RASEF: variants seen among roughly 807,000 people sequenced by gnomAD.
The protein encoded by RASEF is ras and EF-hand domain-containing protein.
In RASEF, 68 loss-of-function variants were observed where a neutral mutation model predicts 90.1. The ratio of observed to expected loss-of-function variants is 0.75; its 90% CI spans 0.62 to 0.92. The LOEUF is 0.92. Ranked by LOEUF, RASEF falls within the 40% of genes least tolerant of loss-of-function variation. The probability of loss-of-function intolerance (pLI) is 0.00; values close to 1 mark genes in which losing one functional copy is unlikely to be tolerated. For synonymous variants in RASEF, 331 were observed against 345.2 expected (o/e 0.96, Z 0.46); for missense variants, 949 against 937.2 (o/e 1.01, Z -0.16).
the RASEF span, among the ~76,000 whole-genome samples, chr9:83,187,166 G>T: frequency 6.6e-5 from 10 of 152,240 alleles, no homozygotes; most frequent in South Asian, 2.1e-3. Context: ...TAAAGGCTCT[G>T]GTCTAAGCCT....
intron 12 of RASEF, among the ~76,000 whole-genome samples, chr9:82,999,259 A>G (rs1282167692): frequency 6.6e-6 from 1 of 152,206 alleles, no homozygotes; most frequent in Non-Finnish European, 1.5e-5. Flanking sequence ...TTCTGTTGTG[A>G]AGGTGGGTAA....
chr9:83,061,737 C>T lies in RASEF; in HGVS notation c.431+700G>A, dbSNP rs77776732. 5.6e-3 allele frequency among the ~76,000 whole-genome samples: 859 copies of T among 152,306 alleles called. 4 individuals are homozygous for T. Among genetic ancestry groups the T allele is most frequent in the African/African-American group, 0.019 (808 of 41,570 alleles). ...AGTAAGAGCAGAGAATATACTGTGTCATTTTATCATTTTATTCCGTCACAT... is the reference window on the plus strand; with the variant it reads ...AGTAAGAGCAGAGAATATACTGTGTTATTTTATCATTTTATTCCGTCACAT... On this transcript the variant is annotated intron_variant, in intron 1 of 16. Coordinates refer to ENST00000376447, the MANE Select transcript of RASEF (RefSeq NM_152573.4).
At chr9:83,179,204 T>C in the RASEF span, among the ~76,000 whole-genome samples, 3 of 152,170 alleles carry the variant, frequency 2.0e-5, no homozygotes, top group Non-Finnish European at 4.4e-5. Context: ...AATAAATTCA[T>C]AGCTATTAAA....
At chr9:83,144,412 G>GAAAGAAAGAAAGAAAGAAAGA in the RASEF span, among the ~76,000 whole-genome samples, 61 of 122,844 alleles carry the variant, frequency 5.0e-4, 2 homozygotes, top group Non-Finnish European at 8.3e-4. Context: ...AAGAAAGAAA[G>GAAAGAAAGAAAGAAAGAAAGA]AAAGAAAAGA....
chr9:83,095,652 T>C, the RASEF span, among the ~76,000 whole-genome samples: 2 of 152,026 alleles, frequency 1.3e-5, no homozygotes, highest in African/African-American at 4.8e-5. Flanking sequence ...AATTTGTATA[T>C]ATTCCCCTTA....
intron 3 of RASEF, among the ~76,000 whole-genome samples, chr9:83,020,836 G>A (rs1235401924): frequency 6.6e-6 from 1 of 152,130 alleles, no homozygotes; most frequent in Admixed American, 6.5e-5. Context: ...GAATGAATTT[G>A]TGCACAGATT....
upstream of RASEF, among the ~76,000 whole-genome samples, chr9:83,063,391 C>A (rs1017068524): frequency 6.6e-6 from 1 of 152,198 alleles, no homozygotes; most frequent in Non-Finnish European, 1.5e-5. Flanking sequence ...CTGGCGCGCG[C>A]GTCAGAAGCT....
the RASEF span, among the ~76,000 whole-genome samples, chr9:83,168,023 C>T: frequency 6.6e-6 from 1 of 151,998 alleles, no homozygotes; most frequent in Non-Finnish European, 1.5e-5. Flanking sequence ...GAGTGTATAC[C>T]TAGAAGTGGA....
intron 16 of RASEF, among the ~76,000 whole-genome samples, chr9:82,984,906 C>G (rs1350470196): frequency 6.6e-6 from 1 of 152,116 alleles, no homozygotes; most frequent in African/African-American, 2.4e-5. Context: ...CAGCAGCTAC[C>G]ACAGATGCAC....
intron 14 of RASEF, among the ~76,000 whole-genome samples, chr9:82,993,985 A>C (rs946122094): frequency 6.6e-6 from 1 of 152,226 alleles, no homozygotes; most frequent in African/African-American, 2.4e-5. Flanking sequence ...CTGGTTCCTA[A>C]ATAAGAGAAG....
chr9:83,090,262 A>T, the RASEF span, among the ~76,000 whole-genome samples: 1 of 152,086 alleles, frequency 6.6e-6, no homozygotes, highest in Admixed American at 6.5e-5. Context: ...TTAGTTTTTT[A>T]GGCATGGCTT....
the RASEF span, among the ~76,000 whole-genome samples, chr9:83,155,342 G>A: frequency 1.3e-5 from 2 of 152,152 alleles, no homozygotes; most frequent in African/African-American, 4.8e-5. Context: ...AGAAAAAGAG[G>A]TTTAATGGAC....
Position 83,063,115 on chromosome 9 carries a change from G to GC in RASEF, c.-249dup. 1 of 460,160 alleles carries GC rather than the reference G, an allele frequency of 2.2e-6. No individual in the cohort carries two copies. Among genetic ancestry groups the GC allele is most frequent in the South Asian group, 4.5e-5 (1 of 22,394 alleles). 28.5% of individuals were successfully genotyped at this position (460,160 alleles called of 1,614,324 possible). On this transcript the variant is annotated 5_prime_UTR_variant, in exon 1 of 17. Coordinates refer to ENST00000376447, the MANE Select transcript of RASEF (RefSeq NM_152573.4). ...GCGGTGGGGTGCGCCCGGGCTCCAG[G>GC]CACCGCCAAGGAGCGCCTCCTGCGA...
intron 2 of RASEF, among the ~76,000 whole-genome samples, chr9:83,024,043 A>G (rs79739549): frequency 0.03 from 4,505 of 152,304 alleles, 207 homozygotes; most frequent in African/African-American, 0.1. Flanking sequence ...GCAGTGCAGA[A>G]CAAAATGGCC....
At chr9:83,122,129 C>G in the RASEF span, among the ~76,000 whole-genome samples, 1 of 152,226 alleles carries the variant, frequency 6.6e-6, no homozygotes, top group South Asian at 2.1e-4. Context: ...TGCCTTGTGG[C>G]TCCTTGTACA....
intron 16 of RASEF, among the ~76,000 whole-genome samples, chr9:82,986,497 C>A (rs1210481040): frequency 6.6e-6 from 1 of 152,178 alleles, no homozygotes; most frequent in African/African-American, 2.4e-5. Context: ...AACCTGAAAG[C>A]AAATATTAAG....
the RASEF span, among the ~76,000 whole-genome samples, chr9:83,180,467 A>C: frequency 5.3e-5 from 8 of 150,194 alleles, no homozygotes. Flanking sequence ...AGAGAACTAG[A>C]AATGCGTAAA....
At chr9:82,985,990 T>C (rs1828703302) in intron 16 of RASEF, among the ~76,000 whole-genome samples, 1 of 152,142 alleles carries the variant, frequency 6.6e-6, no homozygotes. Flanking sequence ...TCTATGCTTA[T>C]GGAATTTTAA....
the RASEF span, among the ~76,000 whole-genome samples, chr9:83,174,075 T>C: frequency 6.6e-6 from 1 of 151,916 alleles, no homozygotes; most frequent in Non-Finnish European, 1.5e-5. Flanking sequence ...GATACATAAT[T>C]TGAAAATATT....
Sources: gnomAD v4.1 joint callset for allele counts (sites outside exome capture counted in the v4.1 genomes callset) on GRCh38, gnomAD v4.1.1 for gene constraint, MANE v1.5 for transcripts, NCBI Gene and HGNC (gene_info 2026-07-23, HGNC 2026-07-21) for gene names.